CAND2: variants seen among roughly 807,000 people sequenced by gnomAD.
The protein encoded by CAND2 is cullin-associated NEDD8-dissociated protein 2.
A neutral mutation model predicts 98.9 loss-of-function variants in CAND2; 62 were observed. The ratio of observed to expected loss-of-function variants is 0.63; its 90% CI spans 0.51 to 0.77. The LOEUF is 0.77. Ranked by LOEUF, CAND2 falls within the 30% of genes least tolerant of loss-of-function variation. CAND2 has a pLI of 0.00. For synonymous variants in CAND2, 770 were observed against 731.9 expected (o/e 1.05, Z -0.84); for missense variants, 1,501 against 1,655.2 (o/e 0.91, Z 1.62).
At chr3:12,824,035 A>G (rs1455080157) in intron 11 of CAND2, among the ~76,000 whole-genome samples, 1 of 151,888 alleles carries the variant, frequency 6.6e-6, no homozygotes, top group Non-Finnish European at 1.5e-5. Context: ...GCTGGGCGTA[A>G]TGGCTCATGC....
rs148125794 is a variant in CAND2, at chr3:12,803,310, T to C, written c.69-178T>C. Among the ~76,000 whole-genome samples the C allele has an allele frequency of 6.7e-3, 1,024 of 152,296 alleles. 14 individuals are homozygous for C. Among genetic ancestry groups the C allele is most frequent in the Non-Finnish European group, 7.7e-3 (521 of 68,020 alleles). ...CCCGGCCAGCTCCATTATAATCTTA[T>C]GGGACAACCATTGTATATGTTGCCT... On this transcript the variant is annotated intron_variant, in intron 1 of 14. Transcript: ENST00000456430.
At chr3:12,802,993 T>C (rs888981883) in intron 1 of CAND2, among the ~76,000 whole-genome samples, 132 of 150,686 alleles carry the variant, frequency 8.8e-4, no homozygotes, top group Non-Finnish European at 1.6e-3. Context: ...AAAATCTTTT[T>C]TTTTTTTTTT....
chr3:12,808,407 A>G (rs2061823957), intron 4 of CAND2, 74 bp downstream of exon 4: 2 of 1,489,596 alleles, frequency 1.3e-6, no homozygotes, highest in Non-Finnish European at 9.1e-7. Flanking sequence ...TCACAGAGCT[A>G]GCACCTACTG....
chr3:12,825,836 C>G (rs2061994890), intron 12 of CAND2, among the ~76,000 whole-genome samples, 197 bp downstream of exon 12: 1 of 152,254 alleles, frequency 6.6e-6, no homozygotes, highest in South Asian at 2.1e-4. Flanking sequence ...TCCTCGTGAG[C>G]ACATGAGGGT....
At chr3:12,814,099 A>C (rs1357125764) in intron 7 of CAND2, among the ~76,000 whole-genome samples, 2 of 152,214 alleles carry the variant, frequency 1.3e-5, no homozygotes, top group Non-Finnish European at 2.9e-5. Context: ...TAGAGAGCTA[A>C]GGATGTGTGT....
chr3:12,830,507 G>A (rs565741887), intron 13 of CAND2, among the ~76,000 whole-genome samples: 3 of 152,308 alleles, frequency 2.0e-5, no homozygotes, highest in Non-Finnish European at 4.4e-5. Flanking sequence ...CTCCAGGATC[G>A]AGCAAGTCTG....
In CAND2 at chr3:12,815,248, G is replaced by T; in HGVS notation, c.1114G>T (p.Asp372Tyr). ...LISSRPDLLP[D>Y]FHCTLAPVLI... The stretch of plus-strand genomic sequence containing the variant: ...CAGCTCGCGGCCTGACCTGCTGCCC[G>T]ATTTCCACTGCACCCTGGCACCTGT... Residue 372 changes from aspartate (D) to tyrosine (Y), a missense_variant, in exon 8 of 15, where the codon GAT (aspartate) becomes TAT (tyrosine). Asp to Tyr is a radical substitution (Grantham distance 160). This residue lies in a region of CAND2 where 1,427 missense variants were observed against 1,545.3 expected (regional missense o/e 0.92). Coordinates refer to ENST00000456430, the MANE Select transcript of CAND2 (RefSeq NM_001162499.2). The surrounding 1 kb of genome is among the most constrained non-coding windows in gnomAD (Gnocchi z 5.7). 1 of 1,613,860 alleles carries T rather than the reference G, an allele frequency of 6.2e-7. No individual in the cohort carries two copies. The highest frequency in any genetic ancestry group is 8.5e-7 in the Non-Finnish European group (1 of 1,180,034).
In CAND2 at chr3:12,833,774, A is replaced by T; in HGVS notation, c.3503A>T (p.Lys1168Met). The T allele has an allele frequency of 3.7e-6, 6 of 1,614,076 alleles. No individual in the cohort carries two copies. The highest frequency in any genetic ancestry group is 5.1e-6 in the Non-Finnish European group (6 of 1,179,928). ...CTAKVKAGSV[K>M]QEFEKQDELK... is the part of the protein sequence containing the mutation. ...CTTTAGGTCAAAGCTGGTTCTGTGA[A>T]GCAGGAGTTTGAAAAGCAAGATGAA... The change falls in exon 15 of 15, where the codon AAG becomes ATG. Residue 1168 changes from lysine to methionine, a missense_variant. Physicochemically the swap from Lys to Met is moderately conservative, Grantham distance 95. Coordinates refer to ENST00000456430, the MANE Select transcript of CAND2 (RefSeq NM_001162499.2).
chr3:12,821,819 G>A (rs1014885454), intron 11 of CAND2, among the ~76,000 whole-genome samples: 1 of 152,256 alleles, frequency 6.6e-6, no homozygotes, highest in Non-Finnish European at 1.5e-5. Flanking sequence ...CATCACATCA[G>A]GGGCACATGG....
At chr3:12,814,039 A>T (rs918649230) in intron 7 of CAND2, among the ~76,000 whole-genome samples, 3 of 152,234 alleles carry the variant, frequency 2.0e-5, no homozygotes, top group African/African-American at 7.2e-5. Context: ...TTGGACAGGC[A>T]TGCGGGGGCC....
In CAND2 at chr3:12,813,043, G is replaced by A; in HGVS notation, c.811G>A (p.Asp271Asn). Residue 271 changes from aspartate to asparagine, a missense_variant, in exon 6 of 15, where the codon GAT (aspartate) becomes AAT (asparagine). Asp to Asn is a conservative substitution (Grantham distance 23). Around this residue, in one of 3 missense-constraint regions of CAND2, gnomAD observed 1,427 missense variants for 1,545.3 expected, o/e 0.92. Transcript: ENST00000456430. Reference protein sequence around the residue: ...PLVEDFCNLDDDELRESCLQA... With the variant: ...PLVEDFCNLDNDELRESCLQA... ...GGTGGAGGATTTCTGCAACCTGGATGATGATGAGCTCCGGGAGTCCTGCCT... is the reference window on the plus strand; with the variant it reads ...GGTGGAGGATTTCTGCAACCTGGATAATGATGAGCTCCGGGAGTCCTGCCT... 2 of 1,585,136 alleles carry A rather than the reference G, an allele frequency of 1.3e-6. No individual in the cohort carries two copies. Among genetic ancestry groups the A allele is most frequent in the South Asian group, 2.3e-5 (2 of 86,510 alleles).
intron 1 of CAND2, 74 bp from the exon 2 acceptor site, chr3:12,803,414 G>C: frequency 7.1e-7 from 1 of 1,415,560 alleles, no homozygotes; most frequent in East Asian, 2.4e-5. Flanking sequence ...ACTTCTAGGG[G>C]AACCCTGAGG....
intron 10 of CAND2, among the ~76,000 whole-genome samples, chr3:12,818,337 C>T (rs993632950): frequency 2.0e-5 from 3 of 152,186 alleles, no homozygotes; most frequent in Admixed American, 2.0e-4. Flanking sequence ...CTTAGTGCTC[C>T]ACACAGAGGT....
rs774328467 is a variant in CAND2 at position 12,834,062 on chromosome 3, A to T, written c.*80A>T. On this transcript the variant is annotated 3_prime_UTR_variant, in exon 15 of 15. Coordinates refer to ENST00000456430, the MANE Select transcript of CAND2 (RefSeq NM_001162499.2). ...CGAGGCCTCCCCATCCCACCATCGC[A>T]GGTCTCTACTTTTGCCCTTCCACCA... 13 of 1,181,020 alleles carry T rather than the reference A, an allele frequency of 1.1e-5. No homozygotes were observed. Among genetic ancestry groups the T allele is most frequent in the African/African-American group, 1.5e-5 (1 of 66,542 alleles). 73.2% of individuals were successfully genotyped at this position (1,181,020 alleles called of 1,614,324 possible).
Position 12,808,217 on chromosome 3 carries a change from G to A in CAND2, c.375G>A (p.Gly125=). 1 of 1,551,050 alleles carries A rather than the reference G, an allele frequency of 6.4e-7. No homozygotes were observed. Residue 125 remains glycine (G), a synonymous_variant, in exon 4 of 15, where the codon GGG becomes GGA. Coordinates refer to ENST00000456430, the MANE Select transcript of CAND2 (RefSeq NM_001162499.2). ...ACCTTGTGCCCTGTGCAGGCTCCGG[G>A]CTGGCCACCAACGTGTGCCGGAAGA... ...SELPPAATGS[G]LATNVCRKIT... is the part of the protein sequence containing the mutation.
chr3:12,796,801 G>C lies in CAND2; in HGVS notation c.68+13G>C. ...ACAAGGACTTCAGGTGCAGCCCGCC[G>C]CCGGCCCCCTTCTCTCCTTCCCGCT... On this transcript the variant is annotated intron_variant, in intron 1 of 14. Transcript: ENST00000456430. 1 of 1,568,154 alleles carries C rather than the reference G, an allele frequency of 6.4e-7. No homozygotes were observed.
At chr3:12,807,778 A>G (rs564063189) in intron 3 of CAND2, among the ~76,000 whole-genome samples, 9 of 152,308 alleles carry the variant, frequency 5.9e-5, no homozygotes, top group East Asian at 3.9e-4. Context: ...TAGTGGCTCA[A>G]TGTTGACAGG....
At chr3:12,808,769 C>CAGAGGCTTAGA (rs1363262810) in intron 4 of CAND2, among the ~76,000 whole-genome samples, 11 of 152,092 alleles carry the variant, frequency 7.2e-5, no homozygotes, top group Non-Finnish European at 4.4e-5. Flanking sequence ...GCTGAGCCTT[C>CAGAGGCTTAGA]GAGGAGGGGC....
At chr3:12,814,233 AGTG>A (rs2061878836) in intron 7 of CAND2, among the ~76,000 whole-genome samples, 1 of 152,100 alleles carries the variant, frequency 6.6e-6, no homozygotes, top group Admixed American at 6.5e-5. Flanking sequence ...TGGTCCACAG[AGTG>A]GTATGGGCAA....
Sources: gnomAD v4.1 joint callset for allele counts (sites outside exome capture counted in the v4.1 genomes callset) on GRCh38, gnomAD v4.1.1 for gene constraint, gnomAD v4.1.1 regional missense constraint, Gnocchi (gnomAD v3.1) non-coding constraint, MANE v1.5 for transcripts, NCBI Gene and HGNC (gene_info 2026-07-23, HGNC 2026-07-21) for gene names.